Variants in MACF1 observed in about 807,000 individuals in gnomAD.
The protein encoded by MACF1 is microtubule actin crosslinking factor 1.
Under a neutral mutation model 854.8 loss-of-function variants are expected in MACF1, and 193 were observed. The ratio of observed to expected loss-of-function variants is 0.23; its 90% CI spans 0.20 to 0.25. The LOEUF (loss-of-function observed/expected upper bound fraction) is 0.25, where lower values mean the gene tolerates loss of function less well. MACF1 is among the 10% of genes least tolerant of loss of function. The probability of loss-of-function intolerance (pLI) is 1.00; values close to 1 mark genes in which losing one functional copy is unlikely to be tolerated. For synonymous variants in MACF1, 3,185 were observed against 3,226.7 expected, an observed-to-expected ratio of 0.99 and a Z score of 0.44; for missense variants, 7,722 against 8,929.1, an observed-to-expected ratio of 0.86 and a Z score of 5.45.
chr1:39,323,322 T>C (rs1646546859), intron 33 of MACF1, among the ~76,000 whole-genome samples: 1 of 151,884 alleles, frequency 6.6e-6, no homozygotes, highest in Non-Finnish European at 1.5e-5. Flanking sequence ...GCCTGGGCAA[T>C]AGGCTGTCTC....
intron 40 of MACF1, among the ~76,000 whole-genome samples, chr1:39,344,809 G>A (rs1332118897): frequency 2.6e-5 from 4 of 152,162 alleles, no homozygotes; most frequent in African/African-American, 9.7e-5. Flanking sequence ...CAGCTCCTGA[G>A]ATCTTACCTG....
intron 2 of MACF1, among the ~76,000 whole-genome samples, chr1:39,123,032 A>G (rs1642757414): frequency 6.6e-6 from 1 of 152,032 alleles, no homozygotes. Flanking sequence ...TTCCTCAGTC[A>G]TTTGGGAGTA....
At chr1:39,202,362 C>A (rs1455814277), upstream of MACF1, among the ~76,000 whole-genome samples, 5 of 151,144 alleles carry the variant, frequency 3.3e-5, no homozygotes, top group Admixed American at 3.3e-4. Context: ...GCTGGCCGGG[C>A]GCAGTGGCTC....
chr1:39,473,453 A>G (rs1185929721), intron 97 of MACF1, among the ~76,000 whole-genome samples: 1 of 152,210 alleles, frequency 6.6e-6, no homozygotes, highest in Non-Finnish European at 1.5e-5. Context: ...TTCTATATAT[A>G]GTAGGTGTTG....
intron 2 of MACF1, chr1:39,103,476 A>T (rs1642142893): frequency 6.3e-6 from 1 of 159,504 alleles, no homozygotes; most frequent in Non-Finnish European, 1.4e-5. Context: ...ATGACTCAGC[A>T]CTGACACAGT....
chr1:39,184,258 T>C (rs1203299771), intron 2 of MACF1, among the ~76,000 whole-genome samples: 2 of 152,172 alleles, frequency 1.3e-5, no homozygotes, highest in African/African-American at 4.8e-5. Flanking sequence ...TTCTTTTTCA[T>C]GCAGGGCGGC....
At chr1:39,263,729 A>G (rs749411399) in intron 6 of MACF1, among the ~76,000 whole-genome samples, 2 of 148,704 alleles carry the variant, frequency 1.3e-5, no homozygotes, top group Non-Finnish European at 3.0e-5. Context: ...TGACACACAT[A>G]GTATCTTTGG....
chr1:39,407,684 G>A (rs1024152081), intron 58 of MACF1, among the ~76,000 whole-genome samples: 1 of 152,202 alleles, frequency 6.6e-6, no homozygotes, highest in Admixed American at 6.5e-5. Context: ...CCAAGGACCA[G>A]TCTGATTCCC....
At chr1:39,240,066 C>G (rs1279808076) in intron 2 of MACF1, among the ~76,000 whole-genome samples, 1 of 151,968 alleles carries the variant, frequency 6.6e-6, no homozygotes, top group African/African-American at 2.4e-5. Flanking sequence ...TACACTTTCT[C>G]TATTTCTGTT....
At chr1:39,271,607 G>A (rs1226021735) in intron 6 of MACF1, among the ~76,000 whole-genome samples, 1 of 152,140 alleles carries the variant, frequency 6.6e-6, no homozygotes, top group Admixed American at 6.5e-5. Flanking sequence ...CTTTTATCTT[G>A]TAAAAGTTGG....
chr1:39,201,365 C>CTT (rs71575618), upstream of MACF1, among the ~76,000 whole-genome samples: 6 of 148,454 alleles, frequency 4.0e-5, no homozygotes, highest in Admixed American at 1.3e-4. Flanking sequence ...AAGAATGATC[C>CTT]TTTTTTTTTT....
Position 39,477,084 on chromosome 1 carries a change from TATATATAC to T in MACF1, c.21959-2712_21959-2705del, listed in dbSNP as rs1406935821. Among the ~76,000 whole-genome samples the T allele has an allele frequency of 1.1e-3, 14 of 12,776 alleles. No individual in the cohort carries two copies. In the East Asian group the frequency reaches 0.014, roughly 12 times the overall value. The allele number at this position is 12,776 out of a possible 152,430, so 8.4% of individuals were successfully genotyped here. On this transcript the variant is annotated intron_variant, in intron 97 of 100. Coordinates refer to ENST00000564288, the MANE Select transcript of MACF1 (RefSeq NM_001394062.1). ...ATATATATATATATATATATATATA[TATATATAC>T]ACACACACACATATATACACTTAGT...
chr1:39,477,135 T>TATACACAC (rs71060314), intron 97 of MACF1, among the ~76,000 whole-genome samples: 15 of 103,358 alleles, frequency 1.5e-4, no homozygotes, highest in South Asian at 3.2e-4. Flanking sequence ...TATATATATA[T>TATACACAC]ACACACACAC....
rs749525680 is a variant in MACF1 at position 39,327,353 on chromosome 1, G to A, written c.4614G>A (p.Lys1538=). Residue 1538 remains lysine, a splice_region_variant and synonymous_variant, in exon 36 of 101, where the codon AAG becomes AAA. Coordinates refer to ENST00000564288, the MANE Select transcript of MACF1 (RefSeq NM_001394062.1). ...AGTTGGCTCACCAGACAGAACAAAAGGTACTTTTAGTTTTCATCTCCAAAT... is the reference window on the plus strand; with the variant it reads ...AGTTGGCTCACCAGACAGAACAAAAAGTACTTTTAGTTTTCATCTCCAAAT... The part of the protein sequence containing the change: ...QSQLAHQTEQ[K]ECRAVAGVID... 1 of 1,584,644 alleles carries A rather than the reference G, an allele frequency of 6.3e-7. No homozygotes were observed. Among genetic ancestry groups the A allele is most frequent in the Admixed American group, 1.7e-5 (1 of 59,118 alleles).
At chr1:39,265,086 GT>G (rs1305827455) in intron 6 of MACF1, among the ~76,000 whole-genome samples, 3 of 152,212 alleles carry the variant, frequency 2.0e-5, no homozygotes, top group African/African-American at 7.2e-5. Context: ...GACAAAACTA[GT>G]TTTCCAACCC....
chr1:39,330,472 C>T (rs1422118830), intron 36 of MACF1, among the ~76,000 whole-genome samples: 2 of 152,154 alleles, frequency 1.3e-5, no homozygotes, highest in Non-Finnish European at 2.9e-5. Context: ...TGGTTTGCAA[C>T]ACCAAAAACT....
In MACF1 at chr1:39,116,286, A is replaced by C. The variant is rs141505864; in HGVS notation, c.220+31848A>C. 7.6e-3 allele frequency among the ~76,000 whole-genome samples: 1,160 copies of C among 152,238 alleles called. 8 individuals are homozygous for C. The highest frequency in any genetic ancestry group is 0.02 in the Middle Eastern group (6 of 294). ...AAGTTGGTTGGTTAGAGGTGTAGGA[A>C]CTTGAGGGAATTTCTCCTGATGCTC... is the stretch of plus-strand genomic sequence containing the variant. On this transcript the variant is annotated intron_variant, in intron 2 of 93. Transcript: ENST00000361689.
intron 70 of MACF1, 120 bp from the exon 71 acceptor site, chr1:39,437,657 T>G: frequency 2.2e-6 from 2 of 892,356 alleles, no homozygotes; most frequent in South Asian, 2.7e-5. Flanking sequence ...GCCATTGGGC[T>G]AAACTGAGCA....
chr1:39,173,236 A>T (rs2148223612), intron 2 of MACF1, among the ~76,000 whole-genome samples: 1 of 151,080 alleles, frequency 6.6e-6, no homozygotes, highest in African/African-American at 2.4e-5. Context: ...GCTATTCGGG[A>T]GGCTGAGGCA....
Sources: allele counts gnomAD v4.1 joint callset (sites outside exome capture counted in the v4.1 genomes callset), GRCh38; gene constraint gnomAD v4.1.1; transcripts MANE v1.5; gene names NCBI Gene and HGNC (gene_info 2026-07-23, HGNC 2026-07-21).